The following PANK4 variants were observed in gnomAD, a reference collection of about 807,000 sequenced individuals.
PANK4 encodes the protein pantothenate kinase 4 (inactive).
In PANK4, 40 loss-of-function variants were observed where a neutral mutation model predicts 87.9. The ratio of observed to expected loss-of-function variants is 0.46; its 90% CI spans 0.35 to 0.59. The LOEUF is 0.59. PANK4 is among the 20% of genes least tolerant of loss of function. The probability of loss-of-function intolerance (pLI) is 0.00; values close to 1 mark genes in which losing one functional copy is unlikely to be tolerated. For synonymous variants in PANK4, 524 were observed against 467.4 expected (o/e 1.12, Z -1.56); for missense variants, 926 against 1,072.3 (o/e 0.86, Z 1.90).
In PANK4 at chr1:2,510,109, T is replaced by C; in HGVS notation, c.1987A>G (p.Ser663Gly). Residue 663 changes from serine (S) to glycine (G), a missense_variant, in exon 17 of 19, where the codon AGC becomes GGC. Coordinates refer to ENST00000378466, the MANE Select transcript of PANK4 (RefSeq NM_018216.4). This position sits in a 1 kb window ranked among gnomAD's most constrained non-coding sequence, Gnocchi z 4.9. ...CGCTCTGCCACGATGAGGGACTCGC[T>C]GTGGGTCACGTCGTTCAGGGCGGGG... The part of the protein sequence containing the change: ...SGPALNDVTH[S>G]ESLIVAERIA... 6.2e-7 allele frequency: 1 copy of C among 1,611,306 alleles called. No homozygotes were observed.
At chr1:2,522,045 G>A (rs1643879805) in intron 1 of PANK4, 1 of 548,194 alleles carries the variant, frequency 1.8e-6, no homozygotes, top group Non-Finnish European at 3.3e-6. Context: ...GAGCTCAAGA[G>A]GTCCCGCTTC....
chr1:2,524,998 G>A (rs1041186910), intron 1 of PANK4, among the ~76,000 whole-genome samples: 1 of 152,114 alleles, frequency 6.6e-6, no homozygotes, highest in Non-Finnish European at 1.5e-5. Context: ...CTACTCACAC[G>A]TTCTCATACC....
rs921540268 is a variant in PANK4, at chr1:2,515,895, G to A, written c.1219-178C>T. The A allele has an allele frequency of 4.6e-6, 3 of 656,764 alleles. No individual in the cohort carries two copies. Among genetic ancestry groups the A allele is most frequent in the Admixed American group, 2.8e-5 (1 of 35,264 alleles). The allele number at this position is 656,764 out of a possible 1,614,324, so 40.7% of individuals were successfully genotyped here. A position where few individuals can be genotyped will look rare whatever the true frequency, so the allele number is the denominator to read the frequency against. On this transcript the variant is annotated intron_variant, in intron 9 of 18. Coordinates refer to ENST00000378466, the MANE Select transcript of PANK4 (RefSeq NM_018216.4). The surrounding 1 kb of genome is among the most constrained non-coding windows in gnomAD (Gnocchi z 5.0). ...CCTCAGCTGCCCGGCGGCCTGAGCC[G>A]GATACCTTGACTTACCCCCTGGTTT...
intron 1 of PANK4, chr1:2,522,008 G>A (rs1643879687): frequency 1.7e-6 from 1 of 583,372 alleles, no homozygotes; most frequent in Non-Finnish European, 3.1e-6. Flanking sequence ...CTCAAATTCT[G>A]CTCCTCCTCA....
At chr1:2,512,242 A>G (rs565319556) in intron 13 of PANK4, among the ~76,000 whole-genome samples, 73 of 152,248 alleles carry the variant, frequency 4.8e-4, no homozygotes, top group South Asian at 1.5e-3. Context: ...AGGGGCAGCC[A>G]TGGTTGGAGG....
rs2100805010 is a variant in PANK4 at position 2,526,590 on chromosome 1, T to C, written c.-3A>G. On this transcript the variant is annotated 5_prime_UTR_variant, in exon 1 of 19. Coordinates refer to ENST00000378466, the MANE Select transcript of PANK4 (RefSeq NM_018216.4). ...CCGCTCGCTCCACACTCCGCCATTT[T>C]GAAAGTGCCCGGCCAGCTCATCAGC... The C allele has an allele frequency of 6.3e-7, 1 of 1,599,638 alleles. No homozygotes were observed. The highest frequency in any genetic ancestry group is 8.5e-7 in the Non-Finnish European group (1 of 1,173,788).
At chr1:2,511,774 G>A (rs1643666217) in intron 13 of PANK4, 91 bp from the exon 14 acceptor site, 1 of 766,324 alleles carries the variant, frequency 1.3e-6, no homozygotes, top group Admixed American at 2.0e-5. Context: ...TCCCTCCCAG[G>A]CGGGACAGAG....
rs1218362326 is a variant in PANK4, at chr1:2,520,515, C to G, written c.607-101G>C. 2 of 1,102,314 alleles carry G rather than the reference C, an allele frequency of 1.8e-6. No homozygotes were observed. Among genetic ancestry groups the G allele is most frequent in the Non-Finnish European group, 1.3e-6 (1 of 760,272 alleles). The allele number at this position is 1,102,314 out of a possible 1,614,324, so 68.3% of individuals were successfully genotyped here. A position where few individuals can be genotyped will look rare whatever the true frequency, so the allele number is the denominator to read the frequency against. On this transcript the variant is annotated intron_variant, in intron 4 of 18. Coordinates refer to ENST00000378466, the MANE Select transcript of PANK4 (RefSeq NM_018216.4). This position sits in a 1 kb window ranked among gnomAD's most constrained non-coding sequence, Gnocchi z 6.2. ...GCTGCGCTGGGGTGAACCCCGCCCC[C>G]ACCCCAACCGCCAGTGGGAGGACTC...
Position 2,519,667 on chromosome 1 carries a change from A to C in PANK4, c.853+134T>G, listed in dbSNP as rs927514466. 3.3e-6 allele frequency: 3 copies of C among 900,016 alleles called. No individual in the cohort carries two copies. The Admixed American group carries it at 8.8e-5, about 27-fold the overall frequency. 55.8% of individuals were successfully genotyped at this position (900,016 alleles called of 1,614,324 possible). A position where few individuals can be genotyped will look rare whatever the true frequency, so the allele number is the denominator to read the frequency against. On this transcript the variant is annotated intron_variant, in intron 6 of 18. Transcript: ENST00000378466. The surrounding 1 kb of genome is among the most constrained non-coding windows in gnomAD (Gnocchi z 8.3). ...TGCAGCGACTCGGCAGGAAGAGGTT[A>C]CAGGGCTGACACCCAAGACCCCGAC...
rs143475389 is a variant in PANK4 at position 2,509,079 on chromosome 1, C to A, written c.2109-19G>T. 12 of 1,576,588 alleles carry A rather than the reference C, an allele frequency of 7.6e-6. No homozygotes were observed. The highest frequency in any genetic ancestry group is 1.0e-5 in the Non-Finnish European group (12 of 1,167,950). ...CAGGCGGCTTTGGGGAGGAAGAGGA[C>A]GGTGAGACTGGGCAAGCAGACCCCA... On this transcript the variant is annotated intron_variant, in intron 18 of 18. Transcript: ENST00000378466. The surrounding 1 kb of genome is among the most constrained non-coding windows in gnomAD (Gnocchi z 4.9).
At chr1:2,514,114 G>T in intron 11 of PANK4, 25 bp from the exon 12 acceptor site, 1 of 1,577,692 alleles carries the variant, frequency 6.3e-7, no homozygotes, top group Non-Finnish European at 8.7e-7. Flanking sequence ...GGCAGAGGGC[G>T]CTGAGCAGGG....
Position 2,514,072 on chromosome 1 carries a change from G to T in PANK4, c.1505C>A (p.Thr502Asn). Residue 502 changes from threonine (T) to asparagine (N), a missense_variant, in exon 12 of 19, where the codon ACC (threonine) becomes AAC (asparagine). By Grantham distance (65) the Thr-to-Asn change is moderately conservative. Transcript: ENST00000378466. ...CCTGGTGTCCAGCAGGCTGCGCACG[G>T]TCAGGGTCCCATAGGCGCTGGGGAC... ...RQQPFAYGTL[T>N]VRSLLDTREH... is the part of the protein sequence containing the mutation. 6.2e-7 allele frequency: 1 copy of T among 1,612,626 alleles called. No individual in the cohort carries two copies. Among genetic ancestry groups the T allele is most frequent in the Non-Finnish European group, 8.5e-7 (1 of 1,179,734 alleles).
chr1:2,519,771 C>T lies in PANK4; in HGVS notation c.853+30G>A. The T allele has an allele frequency of 6.5e-7, 1 of 1,546,398 alleles. No homozygotes were observed. Among genetic ancestry groups the T allele is most frequent in the Non-Finnish European group, 8.7e-7 (1 of 1,146,418 alleles). On this transcript the variant is annotated intron_variant, in intron 6 of 18. Coordinates refer to ENST00000378466, the MANE Select transcript of PANK4 (RefSeq NM_018216.4). This position sits in a 1 kb window ranked among gnomAD's most constrained non-coding sequence, Gnocchi z 8.3. ...GACCCCAAGTGTCCCCACCATCCTG[C>T]TCTCTGGCGGCAGAGGCCGGGGTGA... is the stretch of plus-strand genomic sequence containing the variant.
Position 2,519,206 on chromosome 1 carries a change from G to A in PANK4, c.972C>T (p.Phe324=). The part of the protein sequence containing the change: ...HSLDRVYFGG[F]FIRGHPVTMR... Reference sequence around the variant, plus strand: ...TGGTCACGGGGTGGCCCCGGATAAAGAAGCCTCCAAAGTACACGCGGTCCA... The same window carrying A: ...TGGTCACGGGGTGGCCCCGGATAAAAAAGCCTCCAAAGTACACGCGGTCCA... Residue 324 remains phenylalanine (F), a synonymous_variant, in exon 7 of 19, where the codon TTC becomes TTT. Coordinates refer to ENST00000378466, the MANE Select transcript of PANK4 (RefSeq NM_018216.4). The surrounding 1 kb of genome is among the most constrained non-coding windows in gnomAD (Gnocchi z 8.3). 1 of 1,612,884 alleles carries A rather than the reference G, an allele frequency of 6.2e-7. No individual in the cohort carries two copies. Among genetic ancestry groups the A allele is most frequent in the South Asian group, 1.1e-5 (1 of 91,082 alleles).
At position 2,510,299 on chromosome 1, in the gene PANK4, G is replaced by GGT; in HGVS notation, c.1939-143_1939-142insAC. ...GCCAGCCACCTGCTGCTGAGGAGCAGGGACCTCGCCTGACCTTGCCACTCT... is the reference window on the plus strand; with the variant it reads ...GCCAGCCACCTGCTGCTGAGGAGCAGGTGGACCTCGCCTGACCTTGCCACTCT... On this transcript the variant is annotated intron_variant, in intron 16 of 18. Coordinates refer to ENST00000378466, the MANE Select transcript of PANK4 (RefSeq NM_018216.4). This position sits in a 1 kb window ranked among gnomAD's most constrained non-coding sequence, Gnocchi z 4.9. The GGT allele has an allele frequency of 1.5e-6, 1 of 668,270 alleles. No individual in the cohort carries two copies. Among genetic ancestry groups the GGT allele is most frequent in the Non-Finnish European group, 2.7e-6 (1 of 365,072 alleles). 41.4% of individuals were successfully genotyped at this position (668,270 alleles called of 1,614,324 possible).
Position 2,519,832 on chromosome 1 carries a change from G to A in PANK4, c.822C>T (p.Ser274=). The change falls in exon 6 of 19, where the codon AGC becomes AGT. Residue 274 remains serine (S), a synonymous_variant. Coordinates refer to ENST00000378466, the MANE Select transcript of PANK4 (RefSeq NM_018216.4). This position sits in a 1 kb window ranked among gnomAD's most constrained non-coding sequence, Gnocchi z 8.3. ...CGGCGGTGGCCGACTTCCCGAAGCT[G>A]CTGGCGATGAGGTTCCCGCTCAGCC... ...TLGLSGNLIA[S]SFGKSATADQ... 1.3e-6 allele frequency: 2 copies of A among 1,580,396 alleles called. No individual in the cohort carries two copies. The highest frequency in any genetic ancestry group is 1.2e-5 in the South Asian group (1 of 86,892).
At chr1:2,525,783 G>C (rs1199236791) in intron 1 of PANK4, 1 of 152,320 alleles carries the variant, frequency 6.6e-6, no homozygotes, top group South Asian at 2.1e-4. Context: ...CCCTGGAGAG[G>C]CCAGGGCAGA....
At position 2,508,697 on chromosome 1, in the gene PANK4, T is replaced by G; in HGVS notation, c.*150A>C. The G allele has an allele frequency of 1.7e-6, 1 of 601,870 alleles. No homozygotes were observed. The highest frequency in any genetic ancestry group is 2.9e-5 in the Admixed American group (1 of 34,072). The allele number at this position is 601,870 out of a possible 1,614,324, so 37.3% of individuals were successfully genotyped here. ...TCCCAGGACAAAGCTGCGTCTCGCC[T>G]CTGGGTCACACGCATCTGTGCGGCT... is the stretch of plus-strand genomic sequence containing the variant. On this transcript the variant is annotated 3_prime_UTR_variant, in exon 19 of 19. Coordinates refer to ENST00000378466, the MANE Select transcript of PANK4 (RefSeq NM_018216.4). This position sits in a 1 kb window ranked among gnomAD's most constrained non-coding sequence, Gnocchi z 5.1.
Position 2,510,578 on chromosome 1 carries a change from G to T in PANK4, c.1938+100C>A. The T allele has an allele frequency of 1.3e-6, 1 of 742,284 alleles. No individual in the cohort carries two copies. The highest frequency in any genetic ancestry group is 2.4e-6 in the Non-Finnish European group (1 of 422,206). The allele number at this position is 742,284 out of a possible 1,614,324, so 46.0% of individuals were successfully genotyped here. On this transcript the variant is annotated intron_variant, in intron 16 of 18. Coordinates refer to ENST00000378466, the MANE Select transcript of PANK4 (RefSeq NM_018216.4). This position sits in a 1 kb window ranked among gnomAD's most constrained non-coding sequence, Gnocchi z 4.9. ...CTGCCTGCACCTACCTGCTGCGTCC[G>T]GAGGAGCCCCGACCACCGCCAGAGG...
Sources: allele counts gnomAD v4.1 joint callset (sites outside exome capture counted in the v4.1 genomes callset), GRCh38; gene constraint gnomAD v4.1.1; non-coding constraint Gnocchi (gnomAD v3.1); transcripts MANE v1.5; gene names NCBI Gene and HGNC (gene_info 2026-07-23, HGNC 2026-07-21).